Variants in XNDC1N observed in about 807,000 individuals in gnomAD.
XNDC1N encodes XRCC1 N-terminal domain containing 1, N-terminal like.
At chr11:71,907,369 G>T in the XNDC1N span, among the ~76,000 whole-genome samples, 3,848 of 151,658 alleles carry the variant, frequency 0.025, 156 homozygotes, top group African/African-American at 0.089. Context: ...GCGATGCGGG[G>T]AGTAAGAGCC....
the XNDC1N span, among the ~76,000 whole-genome samples, chr11:71,887,512 G>C: frequency 0.022 from 3,257 of 151,272 alleles, no homozygotes; most frequent in East Asian, 0.065. Flanking sequence ...GAGAAGACCA[G>C]CTCTGGCTAA....
chr11:71,927,447 G>C, the XNDC1N span: 3 of 152,122 alleles, frequency 2.0e-5, no homozygotes, highest in African/African-American at 7.2e-5. Flanking sequence ...TTTGAACCCA[G>C]TAGGCGGAGG....
the XNDC1N span, among the ~76,000 whole-genome samples, chr11:71,912,191 G>A: frequency 9.9e-5 from 15 of 152,188 alleles, no homozygotes; most frequent in African/African-American, 1.9e-4. Flanking sequence ...AGGTCCAGCC[G>A]TTCCGCCCGG....
chr11:71,918,924 G>C, the XNDC1N span: 1 of 702,864 alleles, frequency 1.4e-6, no homozygotes, highest in African/African-American at 1.7e-5. Flanking sequence ...CTCTCCAGCT[G>C]TAGTTCTACT....
the XNDC1N span, chr11:71,917,413 C>T: frequency 4.8e-6 from 3 of 622,464 alleles, no homozygotes; most frequent in Non-Finnish European, 8.7e-6. Flanking sequence ...ATCTCCATCT[C>T]CCCAGCTAGC....
the XNDC1N span, among the ~76,000 whole-genome samples, chr11:71,924,678 C>T: frequency 6.6e-6 from 1 of 151,216 alleles, no homozygotes; most frequent in African/African-American, 2.4e-5. Flanking sequence ...AGCGAGACTC[C>T]GTCTCAGAAA....
At chr11:71,884,243 T>C in the XNDC1N span, 1 of 762,780 alleles carries the variant, frequency 1.3e-6, no homozygotes, top group Non-Finnish European at 2.0e-6. Flanking sequence ...TCATCGTTTG[T>C]CTTTATTCAG....
the XNDC1N span, among the ~76,000 whole-genome samples, chr11:71,919,929 C>CTTCTTTTTTTTTTTTTTT: frequency 7.5e-5 from 2 of 26,590 alleles, no homozygotes; most frequent in Non-Finnish European, 1.7e-4. Flanking sequence ...AAGCAGGCCT[C>CTTCTTTTTTTTTTTTTTT]TTTTTTTTTT....
At chr11:71,910,121 T>C in the XNDC1N span, among the ~76,000 whole-genome samples, 28 of 152,070 alleles carry the variant, frequency 1.8e-4, no homozygotes, top group Non-Finnish European at 3.4e-4. Flanking sequence ...ACCTAAGAAC[T>C]TTTGGAATTA....
chr11:71,923,419 T>C, the XNDC1N span: 1 of 701,190 alleles, frequency 1.4e-6, no homozygotes, highest in Non-Finnish European at 2.6e-6. Flanking sequence ...CTTCTGTCAC[T>C]ACTTTGGCAC....
the XNDC1N span, chr11:71,928,231 A>T: frequency 1.8e-6 from 1 of 544,102 alleles, no homozygotes; most frequent in East Asian, 3.2e-5. Context: ...TTCAGCTCTC[A>T]GTTTCGGGAG....
At chr11:71,884,372 T>C in the XNDC1N span, 2 of 1,535,612 alleles carry the variant, frequency 1.3e-6, no homozygotes, top group Non-Finnish European at 8.8e-7. Flanking sequence ...AAGTAAGTAA[T>C]ATTGTGTCAT....
At chr11:71,928,561 C>G in the XNDC1N span, 1 of 702,566 alleles carries the variant, frequency 1.4e-6, no homozygotes, top group South Asian at 1.5e-5. Flanking sequence ...GGCAAGATGG[C>G]AGGTGCTGCA....
chr11:71,928,128 T>A, the XNDC1N span: 1 of 298,430 alleles, frequency 3.4e-6, no homozygotes, highest in African/African-American at 2.2e-5. Flanking sequence ...GGCCGCAGGA[T>A]GTGGGTTAGA....
At chr11:71,880,128 GTAACA>G in the XNDC1N span, among the ~76,000 whole-genome samples, 1 of 151,990 alleles carries the variant, frequency 6.6e-6, no homozygotes, top group African/African-American at 2.4e-5. Context: ...GTGCTCTGAG[GTAACA>G]TGTGCCTCAG....
At chr11:71,882,685 C>A in the XNDC1N span, among the ~76,000 whole-genome samples, 3 of 152,220 alleles carry the variant, frequency 2.0e-5, no homozygotes, top group African/African-American at 7.2e-5. Context: ...AGATCAGGAA[C>A]AAGGCAAAAG....
At chr11:71,887,864 G>A in the XNDC1N span, among the ~76,000 whole-genome samples, 3,334 of 149,286 alleles carry the variant, frequency 0.022, no homozygotes, top group East Asian at 0.05. Context: ...CACCTGCTTG[G>A]ACCTGAAAGA....
chr11:71,902,250 G>C, the XNDC1N span, among the ~76,000 whole-genome samples: 5,611 of 143,292 alleles, frequency 0.039, 43 homozygotes, highest in African/African-American at 0.1. Flanking sequence ...GGCGTGCAGT[G>C]GTGTGATTTC....
the XNDC1N span, among the ~76,000 whole-genome samples, chr11:71,890,587 C>A: frequency 3.3e-5 from 5 of 152,150 alleles, no homozygotes; most frequent in African/African-American, 1.2e-4. Context: ...ATATTCGGTG[C>A]CATATTTCAG....
Sources: gnomAD v4.1 joint callset for allele counts (sites outside exome capture counted in the v4.1 genomes callset) on GRCh38, gnomAD v4.1.1 for gene constraint, MANE v1.5 for transcripts, NCBI Gene and HGNC (gene_info 2026-07-23, HGNC 2026-07-21) for gene names.